Variants in ITGB6 observed in about 807,000 individuals in gnomAD.
The protein encoded by ITGB6 is integrin subunit beta 6, also known as integrin beta-6.
In ITGB6, 80 loss-of-function variants were observed where a neutral mutation model predicts 84.5. The ratio of observed to expected loss-of-function variants is 0.95; its 90% CI spans 0.79 to 1.14. The LOEUF is 1.14. Ranked by LOEUF, ITGB6 falls within the 50% of genes most tolerant of loss-of-function variation. ITGB6 has a pLI of 0.00. For missense variants in ITGB6, 1,006 were observed against 968.0 expected, an observed-to-expected ratio of 1.04 and a Z score of -0.52; for synonymous variants, 383 against 354.9, an observed-to-expected ratio of 1.08 and a Z score of -0.89.
chr2:160,157,797 A>G (rs1684681408), intron 7 of ITGB6, among the ~76,000 whole-genome samples: 1 of 146,656 alleles, frequency 6.8e-6, no homozygotes, highest in Admixed American at 6.9e-5. Context: ...TGTGCTATTT[A>G]TCTGGTCAAA....
At chr2:160,182,474 C>A (rs1438567000) in intron 4 of ITGB6, among the ~76,000 whole-genome samples, 2 of 152,108 alleles carry the variant, frequency 1.3e-5, no homozygotes, top group Non-Finnish European at 2.9e-5. Context: ...TCAAAGCCTC[C>A]AAGAAATATG....
intron 11 of ITGB6, among the ~76,000 whole-genome samples, chr2:160,125,245 T>C (rs1313302676): frequency 6.6e-6 from 1 of 152,200 alleles, no homozygotes; most frequent in African/African-American, 2.4e-5. Context: ...TAATACCTCA[T>C]TGATAAATGA....
chr2:160,131,278 C>T (rs553541593), intron 10 of ITGB6, among the ~76,000 whole-genome samples: 4 of 152,202 alleles, frequency 2.6e-5, no homozygotes, highest in South Asian at 2.1e-4. Context: ...AATCAAAATA[C>T]AGGAGACTAA....
intron 10 of ITGB6, among the ~76,000 whole-genome samples, chr2:160,134,051 G>C (rs1457194189): frequency 6.6e-6 from 1 of 152,084 alleles, no homozygotes; most frequent in African/African-American, 2.4e-5. Context: ...AAATAACTAA[G>C]ATCAGAGCAG....
At chr2:160,187,488 A>T (rs946807001) in intron 4 of ITGB6, among the ~76,000 whole-genome samples, 2 of 152,204 alleles carry the variant, frequency 1.3e-5, no homozygotes. Context: ...CAGTCATTGA[A>T]AAAAGCTATT....
At chr2:160,118,634 T>C (rs1430705691) in intron 12 of ITGB6, among the ~76,000 whole-genome samples, 2 of 152,066 alleles carry the variant, frequency 1.3e-5, no homozygotes, top group African/African-American at 2.4e-5. Flanking sequence ...TCACCACTCC[T>C]GTTAAACATA....
intron 7 of ITGB6, among the ~76,000 whole-genome samples, chr2:160,154,617 C>T (rs62175384): frequency 0.15 from 23,470 of 151,828 alleles, 2,431 homozygotes; most frequent in Non-Finnish European, 0.24. Context: ...CACACAAAAA[C>T]GTGTACATAG....
chr2:160,179,390 C>CTTTT (rs71297445), intron 4 of ITGB6, among the ~76,000 whole-genome samples: 3 of 131,176 alleles, frequency 2.3e-5, no homozygotes, highest in Non-Finnish European at 3.3e-5. Context: ...TTTTCTTTTT[C>CTTTT]TTTTTTTTTT....
chr2:160,160,167 G>C (rs751898930), intron 7 of ITGB6, among the ~76,000 whole-genome samples: 1 of 152,192 alleles, frequency 6.6e-6, no homozygotes, highest in Non-Finnish European at 1.5e-5. Context: ...AATCATGACA[G>C]AAACCATGTG....
chr2:160,176,185 T>G (rs1410425186), intron 4 of ITGB6, among the ~76,000 whole-genome samples: 2 of 152,316 alleles, frequency 1.3e-5, no homozygotes, highest in South Asian at 2.1e-4. Flanking sequence ...ATGTTCTTGG[T>G]CACTTCTGAC....
intron 4 of ITGB6, among the ~76,000 whole-genome samples, chr2:160,188,503 C>G (rs564584998): frequency 1.3e-5 from 2 of 152,208 alleles, no homozygotes; most frequent in Admixed American, 1.3e-4. Context: ...TCTGGTCTCC[C>G]CCTAATCACA....
intron 5 of ITGB6, among the ~76,000 whole-genome samples, chr2:160,173,655 GA>G (rs1685301901): frequency 6.6e-6 from 1 of 152,082 alleles, no homozygotes; most frequent in Admixed American, 6.6e-5. Context: ...TTCTACCCTT[GA>G]TTTTTTTATC....
chr2:160,182,412 A>T (rs1391148882), intron 4 of ITGB6, among the ~76,000 whole-genome samples: 1 of 152,222 alleles, frequency 6.6e-6, no homozygotes, highest in Non-Finnish European at 1.5e-5. Flanking sequence ...AGATCAACTT[A>T]ATGAAATAAA....
rs1489486330 is a variant in ITGB6, at chr2:160,172,690, A to C, written c.800T>G (p.Val267Gly). ...ATGAGAATCAGCATCACTCACAAAG[A>C]CCAGGAGGTGGAGGGAGTCATTCCG... ...GWRNDSLHLLVFVSDADSHFG... is the reference protein window; with the variant it reads ...GWRNDSLHLLGFVSDADSHFG... The change falls in exon 6 of 15, where the codon GTC becomes GGC. Residue 267 changes from valine to glycine, a missense_variant. Transcript: ENST00000283249. The C allele has an allele frequency of 2.5e-6, 4 of 1,606,474 alleles. No homozygotes were observed. The highest frequency in any genetic ancestry group is 3.4e-6 in the Non-Finnish European group (4 of 1,173,600).
At chr2:160,149,297 G>A (rs1319331331) in intron 7 of ITGB6, among the ~76,000 whole-genome samples, 3 of 152,216 alleles carry the variant, frequency 2.0e-5, no homozygotes, top group Non-Finnish European at 2.9e-5. Flanking sequence ...CTCTGCTGGT[G>A]ATACCCAGAC....
intron 4 of ITGB6, among the ~76,000 whole-genome samples, chr2:160,192,306 A>G (rs1352119860): frequency 1.3e-5 from 2 of 152,164 alleles, no homozygotes; most frequent in Non-Finnish European, 2.9e-5. Context: ...AGTGTCCAGA[A>G]TTAGACTCAC....
chr2:160,183,133 C>T (rs1685752981), intron 4 of ITGB6, among the ~76,000 whole-genome samples: 1 of 152,152 alleles, frequency 6.6e-6, no homozygotes, highest in Non-Finnish European at 1.5e-5. Flanking sequence ...ATCAGATTCA[C>T]ACATAACAAT....
intron 7 of ITGB6, among the ~76,000 whole-genome samples, chr2:160,167,698 T>C (rs1438420027): frequency 1.3e-5 from 2 of 152,252 alleles, no homozygotes; most frequent in Non-Finnish European, 2.9e-5. Context: ...TTTTGCCATG[T>C]AGTTATTTTT....
At chr2:160,161,613 C>T (rs1284864272) in intron 7 of ITGB6, among the ~76,000 whole-genome samples, 1 of 152,130 alleles carries the variant, frequency 6.6e-6, no homozygotes, top group East Asian at 1.9e-4. Context: ...TCTAAAATGT[C>T]AACAATGTTA....
Sources: allele counts gnomAD v4.1 joint callset (sites outside exome capture counted in the v4.1 genomes callset), GRCh38; gene constraint gnomAD v4.1.1; transcripts MANE v1.5; gene names NCBI Gene and HGNC (gene_info 2026-07-23, HGNC 2026-07-21).